The following SEMA5A variants were observed in gnomAD, a reference collection of about 807,000 sequenced individuals.
The protein encoded by SEMA5A is semaphorin-5A.
SEMA5A carries 55 observed loss-of-function variants against 135.5 expected under a neutral mutation model. The ratio of observed to expected loss-of-function variants is 0.41; its 90% CI spans 0.33 to 0.51. The LOEUF is 0.51. SEMA5A is among the 20% of genes least tolerant of loss of function. SEMA5A has a pLI of 0.37. For synonymous variants in SEMA5A, 580 were observed against 546.5 expected, an observed-to-expected ratio of 1.06 and a Z score of -0.85; for missense variants, 1,290 against 1,419.9, an observed-to-expected ratio of 0.91 and a Z score of 1.47.
At chr5:9,333,839 G>C (rs1753264543) in intron 4 of SEMA5A, among the ~76,000 whole-genome samples, 3 of 152,064 alleles carry the variant, frequency 2.0e-5, no homozygotes, top group Admixed American at 6.5e-5. Flanking sequence ...ATGCTTTACT[G>C]TATATTCTAC....
intron 1 of SEMA5A, among the ~76,000 whole-genome samples, chr5:9,465,284 A>C (rs907360636): frequency 1.3e-5 from 2 of 152,236 alleles, no homozygotes; most frequent in African/African-American, 4.8e-5. Context: ...TAAGAATCTT[A>C]TGTAAAATAT....
At chr5:9,534,598 G>A (rs1203795240) in intron 1 of SEMA5A, among the ~76,000 whole-genome samples, 1 of 152,024 alleles carries the variant, frequency 6.6e-6, no homozygotes, top group Admixed American at 6.6e-5. Flanking sequence ...AAGCGGTCCC[G>A]ATCCAGACCC....
intron 3 of SEMA5A, among the ~76,000 whole-genome samples, chr5:9,352,670 A>G (rs1250218619): frequency 1.3e-5 from 2 of 152,256 alleles, no homozygotes; most frequent in Non-Finnish European, 2.9e-5. Context: ...GAATTTAGTG[A>G]AAGAGGTCAT....
intron 2 of SEMA5A, among the ~76,000 whole-genome samples, chr5:9,389,162 C>T (rs966349114): frequency 1.3e-5 from 2 of 152,162 alleles, no homozygotes; most frequent in South Asian, 4.1e-4. Flanking sequence ...GACATCCTGT[C>T]TTCCCTGGAT....
chr5:9,053,964 G>GCTAA (rs1736740084), intron 19 of SEMA5A, 123 bp downstream of exon 19: 2 of 1,069,686 alleles, frequency 1.9e-6, no homozygotes, highest in East Asian at 5.0e-5. Context: ...ATAGCATGTT[G>GCTAA]CTAACTTGCC....
At chr5:9,144,641 C>A (rs1227031283) in intron 12 of SEMA5A, among the ~76,000 whole-genome samples, 1 of 152,168 alleles carries the variant, frequency 6.6e-6, no homozygotes, top group African/African-American at 2.4e-5. Context: ...GCTCTCTTCA[C>A]ACTTGGCCTT....
At chr5:9,112,803 A>T (rs1011619314) in intron 15 of SEMA5A, among the ~76,000 whole-genome samples, 16 of 152,234 alleles carry the variant, frequency 1.1e-4, no homozygotes, top group Non-Finnish European at 2.1e-4. Flanking sequence ...TCTAACCAAC[A>T]GAATATGTGA....
intron 5 of SEMA5A, among the ~76,000 whole-genome samples, chr5:9,302,708 C>T (rs1751669550): frequency 6.6e-6 from 1 of 152,162 alleles, no homozygotes; most frequent in South Asian, 2.1e-4. Flanking sequence ...TGACATAGAA[C>T]CACCTACTGT....
chr5:9,286,743 C>G, intron 5 of SEMA5A, among the ~76,000 whole-genome samples: 1 of 145,810 alleles, frequency 6.9e-6, no homozygotes. Context: ...CACACACACA[C>G]GTGAATTTTT....
At chr5:9,279,939 C>G (rs1750456343) in intron 5 of SEMA5A, among the ~76,000 whole-genome samples, 1 of 152,206 alleles carries the variant, frequency 6.6e-6, no homozygotes, top group Non-Finnish European at 1.5e-5. Flanking sequence ...AGTGTAATAA[C>G]TGACTAATAT....
intron 1 of SEMA5A, among the ~76,000 whole-genome samples, chr5:9,537,674 G>A (rs1737843858): frequency 6.6e-6 from 1 of 152,188 alleles, no homozygotes; most frequent in South Asian, 2.1e-4. Context: ...AGTTCAAAGT[G>A]AGCTGGTCAG....
At chr5:9,334,406 A>G (rs1264207990) in intron 4 of SEMA5A, among the ~76,000 whole-genome samples, 1 of 152,180 alleles carries the variant, frequency 6.6e-6, no homozygotes, top group East Asian at 1.9e-4. Flanking sequence ...TCTGAGCCTA[A>G]TCCCATGAAA....
At chr5:9,184,851 A>G (rs573718561) in intron 11 of SEMA5A, among the ~76,000 whole-genome samples, 1 of 152,128 alleles carries the variant, frequency 6.6e-6, no homozygotes, top group Admixed American at 6.5e-5. Context: ...TTTTCTGTAG[A>G]CTGAAGTGAC....
At chr5:9,302,430 C>T (rs1295490364) in intron 5 of SEMA5A, among the ~76,000 whole-genome samples, 1 of 152,194 alleles carries the variant, frequency 6.6e-6, no homozygotes, top group Non-Finnish European at 1.5e-5. Context: ...GACGTCATTA[C>T]AGAACTGAGC....
At chr5:9,394,748 C>A (rs2126541117) in intron 2 of SEMA5A, among the ~76,000 whole-genome samples, 1 of 152,170 alleles carries the variant, frequency 6.6e-6, no homozygotes, top group South Asian at 2.1e-4. Flanking sequence ...ATGGAGGTAG[C>A]AAATGCATTT....
rs188549950 is a variant in SEMA5A at position 9,066,696 on chromosome 5, C to A, written c.2074-50G>T. 10 of 1,512,524 alleles carry A rather than the reference C, an allele frequency of 6.6e-6. No homozygotes were observed. The Admixed American group carries it at 6.7e-5, about 10-fold the overall frequency. 93.7% of individuals were successfully genotyped at this position (1,512,524 alleles called of 1,614,324 possible). On this transcript the variant is annotated intron_variant, in intron 16 of 22. Coordinates refer to ENST00000382496, the MANE Select transcript of SEMA5A (RefSeq NM_003966.3). ...TTACTATACGGGGTAAACAGAGCAACCTCACGAAGGGCTCCTTTCCTTTAG... is the reference window on the plus strand; with the variant it reads ...TTACTATACGGGGTAAACAGAGCAAACTCACGAAGGGCTCCTTTCCTTTAG...
intron 9 of SEMA5A, among the ~76,000 whole-genome samples, chr5:9,201,535 G>C (rs558341132): frequency 1.3e-5 from 2 of 152,310 alleles, no homozygotes; most frequent in East Asian, 1.9e-4. Context: ...TTAAGCAAGA[G>C]CCATGTTATC....
At chr5:9,500,503 C>T (rs955953981) in intron 1 of SEMA5A, among the ~76,000 whole-genome samples, 1 of 152,162 alleles carries the variant, frequency 6.6e-6, no homozygotes, top group African/African-American at 2.4e-5. Context: ...CTCATTTTCT[C>T]CTAACTGATC....
At chr5:9,153,637 G>A (rs540616658) in intron 12 of SEMA5A, among the ~76,000 whole-genome samples, 26 of 152,176 alleles carry the variant, frequency 1.7e-4, no homozygotes, top group African/African-American at 5.5e-4. Context: ...GAAAGTGGGT[G>A]CCACTGCAGC....
Sources: gnomAD v4.1 joint callset for allele counts (sites outside exome capture counted in the v4.1 genomes callset) on GRCh38, gnomAD v4.1.1 for gene constraint, MANE v1.5 for transcripts, NCBI Gene and HGNC (gene_info 2026-07-23, HGNC 2026-07-21) for gene names.